Variants in ATOSA observed in about 807,000 individuals in gnomAD.
ATOSA encodes atos homolog A.
chr15:52,679,638 A>G, the ATOSA span, among the ~76,000 whole-genome samples: 1 of 152,202 alleles, frequency 6.6e-6, no homozygotes, highest in South Asian at 2.1e-4. Context: ...CCCAGCCGGC[A>G]GAGGCGCGCC....
At chr15:52,600,860 T>C in the ATOSA span, among the ~76,000 whole-genome samples, 3 of 84,388 alleles carry the variant, frequency 3.6e-5, no homozygotes, top group Non-Finnish European at 6.5e-5. Context: ...ATAAAACCAC[T>C]TAAAACCAAT....
the ATOSA span, among the ~76,000 whole-genome samples, chr15:52,651,541 T>TCGC: frequency 6.6e-6 from 1 of 152,232 alleles, no homozygotes; most frequent in Non-Finnish European, 1.5e-5. Flanking sequence ...AGTTAATGCT[T>TCGC]CTGGCTAATG....
chr15:52,582,071 G>A, the ATOSA span: 1 of 1,150,716 alleles, frequency 8.7e-7, no homozygotes, highest in Non-Finnish European at 1.2e-6. Flanking sequence ...TCTCCTGATT[G>A]TTAATTTGGT....
At chr15:52,609,177 T>A in the ATOSA span, 1 of 1,613,578 alleles carries the variant, frequency 6.2e-7, no homozygotes, top group Non-Finnish European at 8.5e-7. Context: ...TTGTTTGATG[T>A]TTCAAAGAAC....
chr15:52,609,304 T>C, the ATOSA span: 7 of 1,614,038 alleles, frequency 4.3e-6, no homozygotes, highest in South Asian at 5.5e-5. Context: ...AACTGAGGAC[T>C]CATCCTTATT....
At chr15:52,689,307 TATAC>T in the ATOSA span, among the ~76,000 whole-genome samples, 6 of 152,198 alleles carry the variant, frequency 3.9e-5, no homozygotes, top group Non-Finnish European at 8.8e-5. Context: ...CAGTGTGCTA[TATAC>T]ATGACATTTT....
At chr15:52,625,135 A>C in the ATOSA span, among the ~76,000 whole-genome samples, 1 of 151,970 alleles carries the variant, frequency 6.6e-6, no homozygotes, top group Admixed American at 6.6e-5. Context: ...TCCTAACCTA[A>C]CCTACTTTAC....
At chr15:52,672,172 CAAAAAAA>C in the ATOSA span, among the ~76,000 whole-genome samples, 34 of 62,588 alleles carry the variant, frequency 5.4e-4, no homozygotes, top group East Asian at 2.2e-3. Flanking sequence ...CCCCATTTCT[CAAAAAAA>C]AAAAAAAAAA....
At chr15:52,656,998 C>T in the ATOSA span, 7 of 152,124 alleles carry the variant, frequency 4.6e-5, no homozygotes, top group Admixed American at 1.3e-4. Context: ...AATAAAATAA[C>T]ATTTTATGAA....
At chr15:52,609,430 T>C in the ATOSA span, 2 of 1,613,708 alleles carry the variant, frequency 1.2e-6, no homozygotes, top group Admixed American at 1.7e-5. Context: ...TGGATCAATG[T>C]GCTCCAAGTG....
At chr15:52,690,293 C>T in the ATOSA span, among the ~76,000 whole-genome samples, 10 of 152,200 alleles carry the variant, frequency 6.6e-5, 1 homozygote, top group Admixed American at 6.5e-4. Flanking sequence ...ATTGACATGA[C>T]TCCAGCCTAG....
the ATOSA span, chr15:52,608,834 C>T: frequency 3.7e-6 from 6 of 1,606,148 alleles, no homozygotes; most frequent in African/African-American, 1.3e-5. Flanking sequence ...TTCAAATATT[C>T]AGACATTTCC....
chr15:52,593,677 C>G, the ATOSA span: 234 of 1,559,066 alleles, frequency 1.5e-4, 1 homozygote, highest in South Asian at 1.3e-3. Context: ...TTGCCCCTAC[C>G]TCGGCAGTAA....
At chr15:52,652,094 AGCT>A in the ATOSA span, 1 of 1,423,512 alleles carries the variant, frequency 7.0e-7, no homozygotes. Context: ...CAGCACTCAC[AGCT>A]GATTGGACAG....
the ATOSA span, among the ~76,000 whole-genome samples, chr15:52,694,150 A>G: frequency 1.5e-5 from 2 of 131,544 alleles, no homozygotes; most frequent in East Asian, 2.0e-4. Flanking sequence ...GTGTGTGTGT[A>G]TATATAGATA....
At chr15:52,652,826 A>G in the ATOSA span, among the ~76,000 whole-genome samples, 5 of 152,168 alleles carry the variant, frequency 3.3e-5, no homozygotes, top group Admixed American at 6.5e-5. Context: ...AGAAGTATAG[A>G]CTTTTTTTCA....
chr15:52,623,042 A>C, the ATOSA span, among the ~76,000 whole-genome samples: 5 of 151,878 alleles, frequency 3.3e-5, no homozygotes, highest in Admixed American at 2.6e-4. Context: ...GCCTGTGGTT[A>C]CAGCTACTTG....
chr15:52,625,407 T>C, the ATOSA span, among the ~76,000 whole-genome samples: 2 of 152,194 alleles, frequency 1.3e-5, no homozygotes, highest in Non-Finnish European at 2.9e-5. Flanking sequence ...ATAAATATTC[T>C]CATCTACAGA....
At chr15:52,645,154 T>C in the ATOSA span, among the ~76,000 whole-genome samples, 2 of 152,142 alleles carry the variant, frequency 1.3e-5, no homozygotes, top group Non-Finnish European at 2.9e-5. Context: ...ATGTGATAAA[T>C]GAGGTCAGGC....
Sources: gnomAD v4.1 joint callset for allele counts (sites outside exome capture counted in the v4.1 genomes callset) on GRCh38, gnomAD v4.1.1 for gene constraint, MANE v1.5 for transcripts, NCBI Gene and HGNC (gene_info 2026-07-23, HGNC 2026-07-21) for gene names.